UNC13C: variants seen among roughly 807,000 people sequenced by gnomAD.
UNC13C encodes protein unc-13 homolog C.
In UNC13C, 174 loss-of-function variants were observed where a neutral mutation model predicts 245.4. The ratio of observed to expected loss-of-function variants is 0.71; its 90% CI spans 0.63 to 0.80. The LOEUF (loss-of-function observed/expected upper bound fraction) is 0.80, where lower values mean the gene tolerates loss of function less well. UNC13C is among the 30% of genes least tolerant of loss of function. The pLI is 0.00. For synonymous variants in UNC13C, 992 were observed against 895.1 expected (o/e 1.11, Z -1.93); for missense variants, 2,829 against 2,602.9 (o/e 1.09, Z -1.89).
chr15:53,872,722 G>A, the UNC13C span, among the ~76,000 whole-genome samples: 4 of 152,072 alleles, frequency 2.6e-5, no homozygotes, highest in Admixed American at 1.3e-4. Flanking sequence ...CAATGTTCTT[G>A]TTACTTTCAG....
chr15:54,333,989 T>C, intron 16 of UNC13C, 133 bp downstream of exon 16: 1 of 588,624 alleles, frequency 1.7e-6, no homozygotes. Flanking sequence ...TATCTTTGCC[T>C]GAACTCGATG....
chr15:54,437,368 C>T (rs577997742), intron 19 of UNC13C, among the ~76,000 whole-genome samples: 1 of 152,058 alleles, frequency 6.6e-6, no homozygotes, highest in Non-Finnish European at 1.5e-5. Flanking sequence ...TTCAAAGGAA[C>T]TCACTCAACA....
intron 8 of UNC13C, among the ~76,000 whole-genome samples, chr15:54,255,109 T>A (rs983226338): frequency 6.6e-6 from 1 of 152,082 alleles, no homozygotes; most frequent in African/African-American, 2.4e-5. Context: ...TAGAGGTGAA[T>A]GTTTATAGCT....
At chr15:53,971,360 T>G in the UNC13C span, among the ~76,000 whole-genome samples, 1 of 152,046 alleles carries the variant, frequency 6.6e-6, no homozygotes, top group Admixed American at 6.6e-5. Context: ...GAAGAAAACA[T>G]CAGGGAAGAG....
intron 24 of UNC13C, among the ~76,000 whole-genome samples, chr15:54,513,643 C>T (rs1468259322): frequency 2.0e-5 from 3 of 152,086 alleles, no homozygotes; most frequent in Admixed American, 6.6e-5. Flanking sequence ...ATAATGAAAA[C>T]AGAAATACTG....
intron 2 of UNC13C, among the ~76,000 whole-genome samples, chr15:54,077,770 A>G (rs1365228085): frequency 6.6e-6 from 1 of 152,186 alleles, no homozygotes; most frequent in Non-Finnish European, 1.5e-5. Context: ...GCTAAATTAG[A>G]AATTGCCAAC....
intron 4 of UNC13C, among the ~76,000 whole-genome samples, chr15:54,169,148 C>T (rs2033291213): frequency 6.6e-6 from 1 of 152,120 alleles, no homozygotes; most frequent in South Asian, 2.1e-4. Context: ...CAGGCATTTG[C>T]TTAAAAGTTT....
chr15:54,383,005 G>T (rs181947006), intron 17 of UNC13C, among the ~76,000 whole-genome samples: 8 of 152,154 alleles, frequency 5.3e-5, no homozygotes, highest in Admixed American at 4.6e-4. Context: ...GGAAGAAACA[G>T]GAAATCTAAA....
chr15:54,458,033 C>T (rs938437656), intron 19 of UNC13C, among the ~76,000 whole-genome samples: 4 of 151,422 alleles, frequency 2.6e-5, no homozygotes, highest in East Asian at 1.9e-4. Flanking sequence ...AAGCTATTAA[C>T]GTTCCTTTAA....
chr15:54,296,367 ATT>A (rs112031214), intron 11 of UNC13C, among the ~76,000 whole-genome samples: 1 of 98,836 alleles, frequency 1.0e-5, no homozygotes, highest in African/African-American at 6.2e-5. Context: ...CGGCCGGCTA[ATT>A]TTTTTTTTTT....
chr15:54,442,538 A>G (rs771694102), intron 19 of UNC13C, among the ~76,000 whole-genome samples: 3 of 152,000 alleles, frequency 2.0e-5, no homozygotes, highest in African/African-American at 4.8e-5. Context: ...TCTTAGAGGA[A>G]AGGCTTTCAG....
At chr15:53,903,394 C>G in the UNC13C span, among the ~76,000 whole-genome samples, 1 of 152,224 alleles carries the variant, frequency 6.6e-6, no homozygotes, top group Non-Finnish European at 1.5e-5. Flanking sequence ...AGGGTTTAAT[C>G]TCTCAAGAGA....
chr15:54,095,550 G>A (rs1899810638), intron 2 of UNC13C, among the ~76,000 whole-genome samples: 1 of 152,150 alleles, frequency 6.6e-6, no homozygotes, highest in African/African-American at 2.4e-5. Flanking sequence ...TCAGTTTGTG[G>A]TCTTAGTACC....
At chr15:54,143,939 A>G (rs543136095) in intron 4 of UNC13C, among the ~76,000 whole-genome samples, 1 of 152,356 alleles carries the variant, frequency 6.6e-6, no homozygotes, top group Non-Finnish European at 1.5e-5. Context: ...TTAACTGTTA[A>G]CATTATCATT....
chr15:54,333,490 A>G (rs773207069), intron 15 of UNC13C, among the ~76,000 whole-genome samples: 3 of 152,092 alleles, frequency 2.0e-5, no homozygotes, highest in Non-Finnish European at 2.9e-5. Context: ...AGCATTAATA[A>G]CATCATAACA....
At chr15:54,404,676 G>A (rs1378424535) in intron 18 of UNC13C, among the ~76,000 whole-genome samples, 2 of 152,110 alleles carry the variant, frequency 1.3e-5, no homozygotes. Flanking sequence ...AATATTTAAT[G>A]TACCATATTT....
intron 13 of UNC13C, among the ~76,000 whole-genome samples, chr15:54,313,409 A>G (rs1292012743): frequency 3.3e-5 from 5 of 151,852 alleles, no homozygotes; most frequent in Non-Finnish European, 5.9e-5. Flanking sequence ...ATTAGTATGC[A>G]CAAGAAAACA....
At chr15:54,139,640 G>A (rs925454470) in intron 2 of UNC13C, among the ~76,000 whole-genome samples, 1 of 151,998 alleles carries the variant, frequency 6.6e-6, no homozygotes, top group African/African-American at 2.4e-5. Flanking sequence ...ATTAAAATCA[G>A]TATCTTTAAT....
intron 2 of UNC13C, among the ~76,000 whole-genome samples, chr15:54,034,464 T>A (rs1595744565): frequency 6.6e-6 from 1 of 152,202 alleles, no homozygotes; most frequent in African/African-American, 2.4e-5. Flanking sequence ...TTAGTGGTAT[T>A]AACTCTGTTT....
Sources: allele counts gnomAD v4.1 joint callset (sites outside exome capture counted in the v4.1 genomes callset), GRCh38; gene constraint gnomAD v4.1.1; transcripts MANE v1.5; gene names NCBI Gene and HGNC (gene_info 2026-07-23, HGNC 2026-07-21).